The following ADAMTSL1 variants were observed in gnomAD, a reference collection of about 807,000 sequenced individuals.
ADAMTSL1 encodes ADAMTS-like protein 1.
In ADAMTSL1, 126 loss-of-function variants were observed where a neutral mutation model predicts 201.8. That is an observed-to-expected ratio of 0.62 (90% CI 0.54 to 0.72). The LOEUF (loss-of-function observed/expected upper bound fraction) is 0.72, where lower values mean the gene tolerates loss of function less well. Among genes scored for constraint, ADAMTSL1 ranks in the 30% least tolerant of loss-of-function variants. The pLI is 0.00. For synonymous variants in ADAMTSL1, 1,121 were observed against 903.4 expected (o/e 1.24, Z -4.32); for missense variants, 2,679 against 2,277.8 (o/e 1.18, Z -3.59).
At chr9:17,972,594 T>A (rs1455941630) in intron 1 of ADAMTSL1, among the ~76,000 whole-genome samples, 1 of 151,936 alleles carries the variant, frequency 6.6e-6, no homozygotes, top group Non-Finnish European at 1.5e-5. Context: ...TCCAAGTCTT[T>A]GCTGTTGTGA....
At chr9:18,087,743 A>G (rs1045049499) in intron 1 of ADAMTSL1, among the ~76,000 whole-genome samples, 3 of 152,200 alleles carry the variant, frequency 2.0e-5, no homozygotes, top group African/African-American at 7.2e-5. Context: ...AAAGAAAGGT[A>G]GAAAATGTCT....
intron 2 of ADAMTSL1, among the ~76,000 whole-genome samples, chr9:18,208,810 A>T (rs529366193): frequency 6.6e-6 from 1 of 152,292 alleles, no homozygotes; most frequent in African/African-American, 2.4e-5. Flanking sequence ...TAAAACAGGA[A>T]AACTGGAAAG....
intron 3 of ADAMTSL1, among the ~76,000 whole-genome samples, chr9:18,563,987 C>T (rs970314434): frequency 6.6e-6 from 1 of 152,170 alleles, no homozygotes; most frequent in Admixed American, 6.5e-5. Flanking sequence ...CCACTTGGCT[C>T]CCTGGCTTCG....
rs148093279 is a variant in ADAMTSL1, at chr9:18,749,785, C to G, written c.2007-3513C>G. On this transcript the variant is annotated intron_variant, in intron 15 of 28. Coordinates refer to ENST00000380548, the MANE Select transcript of ADAMTSL1 (RefSeq NM_001040272.6). ...ATTTTTTACCCAGAATCAGCAAAGT[C>G]CTTAATATACAGACAGCTTCTGCTG... Among the ~76,000 whole-genome samples the G allele has an allele frequency of 3.0e-4, 46 of 152,350 alleles. 1 individual carries two copies. Among genetic ancestry groups the G allele is most frequent in the African/African-American group, 8.7e-4 (36 of 41,582 alleles).
At chr9:18,836,384 G>A (rs973836691) in intron 23 of ADAMTSL1, among the ~76,000 whole-genome samples, 5 of 152,208 alleles carry the variant, frequency 3.3e-5, no homozygotes, top group Admixed American at 3.3e-4. Context: ...TAGGTTGTCT[G>A]TTTACTCTGT....
At chr9:18,172,595 A>G (rs1319545452) in intron 2 of ADAMTSL1, among the ~76,000 whole-genome samples, 1 of 152,110 alleles carries the variant, frequency 6.6e-6, no homozygotes, top group Non-Finnish European at 1.5e-5. Context: ...GGTTGAATAT[A>G]TTCATGTCCT....
chr9:18,546,507 C>T (rs1024707434), intron 3 of ADAMTSL1, among the ~76,000 whole-genome samples: 1 of 152,080 alleles, frequency 6.6e-6, no homozygotes, highest in African/African-American at 2.4e-5. Context: ...CCGTATCCAA[C>T]AACATACCAA....
chr9:18,696,805 A>G (rs1831578616), intron 13 of ADAMTSL1, among the ~76,000 whole-genome samples: 1 of 151,894 alleles, frequency 6.6e-6, no homozygotes, highest in Admixed American at 6.6e-5. Flanking sequence ...ATTAAAATAT[A>G]ATTTTCAAAA....
intron 1 of ADAMTSL1, among the ~76,000 whole-genome samples, chr9:18,124,798 A>G (rs1238375135): frequency 6.6e-6 from 1 of 152,176 alleles, no homozygotes; most frequent in African/African-American, 2.4e-5. Context: ...TTAAGTTCAA[A>G]TATTTCCTCT....
At chr9:18,646,152 T>C (rs1587786179) in intron 7 of ADAMTSL1, among the ~76,000 whole-genome samples, 1 of 151,708 alleles carries the variant, frequency 6.6e-6, no homozygotes, top group Non-Finnish European at 1.5e-5. Flanking sequence ...TTTGAAGCAA[T>C]TGTGAATCGG....
chr9:18,639,253 G>T lies in ADAMTSL1; in HGVS notation c.677-1G>T. 6.2e-7 allele frequency: 1 copy of T among 1,612,406 alleles called. No individual in the cohort carries two copies. Among genetic ancestry groups the T allele is most frequent in the South Asian group, 1.1e-5 (1 of 91,012 alleles). ...TCATCTTCACGTGTTTGATCATATA[G>T]ATCTGGAAACCAAAACCCTCCAGGG... On this transcript the variant is annotated splice_acceptor_variant, in intron 6 of 28. Transcript: ENST00000380548. LOFTEE classifies it high-confidence loss of function.
chr9:17,936,600 C>T (rs914120756), intron 1 of ADAMTSL1, among the ~76,000 whole-genome samples: 1 of 152,182 alleles, frequency 6.6e-6, no homozygotes, highest in African/African-American at 2.4e-5. Context: ...GCCATAAATA[C>T]CTGCTGGATT....
intron 2 of ADAMTSL1, among the ~76,000 whole-genome samples, chr9:18,385,758 G>A (rs961740100): frequency 6.6e-6 from 1 of 152,168 alleles, no homozygotes; most frequent in Admixed American, 6.5e-5. Context: ...ATGATGAATT[G>A]TGGTTTTCCC....
At position 18,156,761 on chromosome 9, in the gene ADAMTSL1, T is replaced by C. The variant is rs13291779; in HGVS notation, c.88-7101T>C. 7.1e-3 allele frequency among the ~76,000 whole-genome samples: 1,079 copies of C among 152,198 alleles called. 6 individuals carry two copies. Among genetic ancestry groups the C allele is most frequent in the Non-Finnish European group, 0.012 (823 of 67,970 alleles). On this transcript the variant is annotated intron_variant, in intron 1 of 29. Transcript: ENST00000680146. Reference sequence around the variant, plus strand: ...GGAGTACAGAAGAGTCTAACTCTTATGTTTCATGTGTTCTTTCATTGTCTA... The same window carrying C: ...GGAGTACAGAAGAGTCTAACTCTTACGTTTCATGTGTTCTTTCATTGTCTA...
chr9:18,104,357 G>A (rs1273492436), intron 1 of ADAMTSL1, among the ~76,000 whole-genome samples: 1 of 152,164 alleles, frequency 6.6e-6, no homozygotes, highest in East Asian at 1.9e-4. Flanking sequence ...TCAGGGATGA[G>A]CAATTCCACC....
intron 1 of ADAMTSL1, among the ~76,000 whole-genome samples, chr9:18,478,478 C>T (rs1234489241): frequency 6.6e-6 from 1 of 152,136 alleles, no homozygotes; most frequent in East Asian, 1.9e-4. Context: ...CTTACAGAGA[C>T]TATCGAAGGG....
chr9:18,038,416 ACCTCC>A (rs1316581782), intron 1 of ADAMTSL1, among the ~76,000 whole-genome samples: 1 of 152,124 alleles, frequency 6.6e-6, no homozygotes, highest in East Asian at 1.9e-4. Flanking sequence ...GAAGGCCCTA[ACCTCC>A]TTGAAAGATC....
rs569589010 is a variant in ADAMTSL1, at chr9:18,711,949, A to G, written c.1876+4901A>G. ...AGTGGGTCCCTGACCCCTGACCCCCAAGCAGCCTAACTGGGAGGCACCCCC... is the reference window on the plus strand; with the variant it reads ...AGTGGGTCCCTGACCCCTGACCCCCGAGCAGCCTAACTGGGAGGCACCCCC... On this transcript the variant is annotated intron_variant, in intron 14 of 28. Coordinates refer to ENST00000380548, the MANE Select transcript of ADAMTSL1 (RefSeq NM_001040272.6). Among the ~76,000 whole-genome samples the G allele has an allele frequency of 9.0e-3, 1,270 of 140,640 alleles. 2 individuals carry two copies. Among genetic ancestry groups the G allele is most frequent in the Middle Eastern group, 0.03 (8 of 270 alleles). 92.3% of individuals were successfully genotyped at this position (140,640 alleles called of 152,430 possible).
At chr9:18,102,272 A>AT (rs1824562112) in intron 1 of ADAMTSL1, among the ~76,000 whole-genome samples, 2 of 152,002 alleles carry the variant, frequency 1.3e-5, no homozygotes, top group South Asian at 4.1e-4. Context: ...GTTTTGTTCA[A>AT]TTTTTTAGCC....
Sources: gnomAD v4.1 joint callset for allele counts (sites outside exome capture counted in the v4.1 genomes callset) on GRCh38, gnomAD v4.1.1 for gene constraint, MANE v1.5 for transcripts, NCBI Gene and HGNC (gene_info 2026-07-23, HGNC 2026-07-21) for gene names.